Variants in DLG2 observed in about 807,000 individuals in gnomAD.
DLG2 encodes the protein discs large MAGUK scaffold protein 2.
In DLG2, 45 loss-of-function variants were observed where a neutral mutation model predicts 132.5. That is an observed-to-expected ratio of 0.34 (90% CI 0.27 to 0.44). The LOEUF (loss-of-function observed/expected upper bound fraction) is 0.44. Ranked by LOEUF, DLG2 falls within the 20% of genes least tolerant of loss-of-function variation. The pLI is 1.00. For synonymous variants in DLG2, 424 were observed against 419.6 expected (o/e 1.01, Z -0.13); for missense variants, 1,045 against 1,196.9 (o/e 0.87, Z 1.87).
chr11:84,187,773 C>T (rs910462121), intron 8 of DLG2, among the ~76,000 whole-genome samples: 1 of 152,002 alleles, frequency 6.6e-6, no homozygotes, highest in Non-Finnish European at 1.5e-5. Context: ...GTGGTAAAGA[C>T]CTTCAGGCTA....
intron 3 of DLG2, among the ~76,000 whole-genome samples, chr11:85,346,042 T>C (rs942675879): frequency 2.0e-5 from 3 of 151,788 alleles, no homozygotes; most frequent in African/African-American, 7.3e-5. Flanking sequence ...ATTAAGAAAG[T>C]AAAGTGGTGA....
chr11:84,762,493 C>T (rs2067771752), intron 6 of DLG2, among the ~76,000 whole-genome samples: 1 of 152,148 alleles, frequency 6.6e-6, no homozygotes, highest in East Asian at 1.9e-4. Context: ...GAGCTTAGGT[C>T]AGGTCAGAGG....
chr11:84,012,564 G>C (rs2094945185), intron 11 of DLG2, among the ~76,000 whole-genome samples: 1 of 152,098 alleles, frequency 6.6e-6, no homozygotes, highest in African/African-American at 2.4e-5. Context: ...AGTTTACCAG[G>C]GAGACTATGA....
At chr11:84,979,580 C>T (rs1287132443) in intron 6 of DLG2, among the ~76,000 whole-genome samples, 5 of 151,902 alleles carry the variant, frequency 3.3e-5, no homozygotes, top group Non-Finnish European at 7.4e-5. Flanking sequence ...ACCGCATGTT[C>T]TCACTCATAG....
chr11:84,642,622 T>C (rs1357890958), intron 6 of DLG2, among the ~76,000 whole-genome samples: 1 of 152,048 alleles, frequency 6.6e-6, no homozygotes, highest in Non-Finnish European at 1.5e-5. Flanking sequence ...TAAGATAGAA[T>C]CCACCATAAA....
chr11:85,517,244 A>G (rs1484735709), intron 3 of DLG2, among the ~76,000 whole-genome samples: 3 of 152,120 alleles, frequency 2.0e-5, no homozygotes, highest in African/African-American at 7.2e-5. Flanking sequence ...TGATTTAAAA[A>G]AAAACCCTCC....
At chr11:85,348,579 C>A (rs889798479) in intron 3 of DLG2, among the ~76,000 whole-genome samples, 4 of 152,080 alleles carry the variant, frequency 2.6e-5, no homozygotes, top group Non-Finnish European at 4.4e-5. Context: ...AGCAGCCAAC[C>A]GGCATTTTAA....
At chr11:85,300,803 A>T (rs1056705941) in intron 3 of DLG2, among the ~76,000 whole-genome samples, 1 of 152,126 alleles carries the variant, frequency 6.6e-6, no homozygotes, top group African/African-American at 2.4e-5. Context: ...AGACAGAAGG[A>T]TTAGTAGGCA....
intron 6 of DLG2, among the ~76,000 whole-genome samples, chr11:85,001,861 T>C (rs1035723873): frequency 2.6e-5 from 4 of 152,206 alleles, no homozygotes; most frequent in Non-Finnish European, 5.9e-5. Context: ...AAGGAGTATA[T>C]GGGAAATCTC....
intron 4 of DLG2, among the ~76,000 whole-genome samples, chr11:85,214,661 G>C (rs1171746486): frequency 6.6e-6 from 1 of 152,084 alleles, no homozygotes; most frequent in Non-Finnish European, 1.5e-5. Context: ...TCCTAAGCTG[G>C]TCTCCAAGAC....
At chr11:84,070,422 A>T (rs750628689) in intron 10 of DLG2, among the ~76,000 whole-genome samples, 23 of 152,220 alleles carry the variant, frequency 1.5e-4, no homozygotes, top group Admixed American at 1.2e-3. Context: ...TTGCAAATAC[A>T]TGGCAGATTC....
intron 6 of DLG2, among the ~76,000 whole-genome samples, chr11:85,089,317 T>C (rs1011759715): frequency 1.3e-4 from 20 of 152,276 alleles, no homozygotes; most frequent in African/African-American, 4.3e-4. Flanking sequence ...CTAGTATTTA[T>C]TGTCCCCAGT....
intron 7 of DLG2, among the ~76,000 whole-genome samples, chr11:84,449,238 T>C (rs1206570871): frequency 1.3e-5 from 2 of 151,906 alleles, no homozygotes; most frequent in Non-Finnish European, 2.9e-5. Context: ...ATTTATACAG[T>C]AATAAATAAA....
intron 6 of DLG2, among the ~76,000 whole-genome samples, chr11:84,776,481 T>G (rs1390434216): frequency 6.6e-6 from 1 of 152,128 alleles, no homozygotes; most frequent in Non-Finnish European, 1.5e-5. Flanking sequence ...ACATTTCTAC[T>G]CATGTAATCA....
intron 3 of DLG2, among the ~76,000 whole-genome samples, chr11:85,400,451 T>C (rs998033737): frequency 5.4e-5 from 8 of 148,330 alleles, no homozygotes; most frequent in Admixed American, 1.4e-4. Context: ...CAAAGGATTA[T>C]AAATCATGCT....
At chr11:85,014,542 T>A (rs1369880089) in intron 6 of DLG2, among the ~76,000 whole-genome samples, 5 of 152,202 alleles carry the variant, frequency 3.3e-5, no homozygotes, top group Non-Finnish European at 7.3e-5. Flanking sequence ...GAGGGTTACA[T>A]GCATCCCTTT....
At chr11:84,604,302 G>C (rs2099581690) in intron 6 of DLG2, among the ~76,000 whole-genome samples, 1 of 151,876 alleles carries the variant, frequency 6.6e-6, no homozygotes, top group Non-Finnish European at 1.5e-5. Flanking sequence ...CTCAGGAGAT[G>C]AGAGAGAAGA....
intron 3 of DLG2, among the ~76,000 whole-genome samples, chr11:85,407,649 T>A (rs2088884360): frequency 6.6e-6 from 1 of 151,778 alleles, no homozygotes; most frequent in African/African-American, 2.4e-5. Flanking sequence ...AGTCAGCCTA[T>A]GTAGAGTATG....
At chr11:84,779,910 C>A (rs752953626) in intron 6 of DLG2, among the ~76,000 whole-genome samples, 49 of 149,782 alleles carry the variant, frequency 3.3e-4, no homozygotes, top group Non-Finnish European at 5.3e-4. Context: ...AAGCCCAGGA[C>A]CAGGACCAGG....
Sources: allele counts gnomAD v4.1 joint callset (sites outside exome capture counted in the v4.1 genomes callset), GRCh38; gene constraint gnomAD v4.1.1; transcripts MANE v1.5; gene names NCBI Gene and HGNC (gene_info 2026-07-23, HGNC 2026-07-21).